Variants in IQGAP2 observed in about 807,000 individuals in gnomAD.
IQGAP2 encodes the protein ras GTPase-activating-like protein IQGAP2.
Under a neutral mutation model 201.3 loss-of-function variants are expected in IQGAP2, and 173 were observed. That is an observed-to-expected ratio of 0.86 (90% CI 0.76 to 0.98). The LOEUF is 0.98. Among genes scored for constraint, IQGAP2 ranks in the 50% least tolerant of loss-of-function variants. The probability of loss-of-function intolerance (pLI) is 0.00; values close to 1 mark genes in which losing one functional copy is unlikely to be tolerated. For missense variants in IQGAP2, 1,687 were observed against 1,864.8 expected (o/e 0.90, Z 1.76); for synonymous variants, 675 against 673.9 (o/e 1.00, Z -0.03).
intron 2 of IQGAP2, among the ~76,000 whole-genome samples, chr5:76,544,731 G>A (rs949824879): frequency 2.6e-5 from 4 of 152,146 alleles, no homozygotes; most frequent in African/African-American, 9.7e-5. Context: ...AAATGTAAAA[G>A]GCCCAAAGGA....
chr5:76,683,973 A>T, intron 30 of IQGAP2, 56 bp downstream of exon 30: 1 of 1,475,166 alleles, frequency 6.8e-7, no homozygotes, highest in Non-Finnish European at 9.2e-7. Context: ...AAATGATGCA[A>T]ATTCAAATGA....
intron 1 of IQGAP2, among the ~76,000 whole-genome samples, chr5:76,457,847 A>C (rs1051697130): frequency 3.3e-5 from 5 of 152,220 alleles, no homozygotes; most frequent in Non-Finnish European, 7.3e-5. Flanking sequence ...CATAGAATGC[A>C]ATTGCTTTGA....
At chr5:76,435,017 C>T (rs1752575665) in intron 1 of IQGAP2, among the ~76,000 whole-genome samples, 1 of 150,830 alleles carries the variant, frequency 6.6e-6, no homozygotes, top group South Asian at 2.1e-4. Context: ...GAAATGTCTA[C>T]GCATGTCATT....
intron 28 of IQGAP2, among the ~76,000 whole-genome samples, chr5:76,680,492 T>C (rs74823257): frequency 6.6e-6 from 1 of 152,150 alleles, no homozygotes; most frequent in African/African-American, 2.4e-5. Context: ...CTAGACTTCA[T>C]CAAAATTGAA....
At chr5:76,537,248 T>C (rs539044451) in intron 2 of IQGAP2, among the ~76,000 whole-genome samples, 1 of 152,362 alleles carries the variant, frequency 6.6e-6, no homozygotes, top group South Asian at 2.1e-4. Context: ...TCCTGGTTTA[T>C]GCTTTTAAAA....
intron 1 of IQGAP2, among the ~76,000 whole-genome samples, chr5:76,426,123 A>G (rs1751981831): frequency 6.6e-6 from 1 of 152,212 alleles, no homozygotes; most frequent in Non-Finnish European, 1.5e-5. Flanking sequence ...CATCACCAGC[A>G]AGGGCCAAAT....
chr5:76,628,362 A>G (rs1209251691), intron 14 of IQGAP2, among the ~76,000 whole-genome samples: 1 of 152,200 alleles, frequency 6.6e-6, no homozygotes, highest in African/African-American at 2.4e-5. Flanking sequence ...TCCATCTCAC[A>G]GTGGGTCCCT....
At chr5:76,650,003 GC>G (rs1277872774) in intron 17 of IQGAP2, among the ~76,000 whole-genome samples, 4 of 152,214 alleles carry the variant, frequency 2.6e-5, no homozygotes, top group African/African-American at 2.4e-5. Context: ...GCCCCTTTTA[GC>G]CATGGTTAGA....
chr5:76,705,494 C>T (rs1747796840), intron 35 of IQGAP2, among the ~76,000 whole-genome samples: 1 of 152,204 alleles, frequency 6.6e-6, no homozygotes, highest in Non-Finnish European at 1.5e-5. Flanking sequence ...GACCCAGCTA[C>T]TTCCCCTACA....
rs142671711 is a variant in IQGAP2, at chr5:76,677,206, C to T, written c.3528-12C>T. Reference sequence around the variant, plus strand: ...TTTGAGTCTGTCTTAAGACTTTTCCCCCCTTTATTAGGAAATATTTCAAAG... The same window carrying T: ...TTTGAGTCTGTCTTAAGACTTTTCCTCCCTTTATTAGGAAATATTTCAAAG... On this transcript the variant is annotated splice_polypyrimidine_tract_variant and intron_variant, in intron 27 of 35. Coordinates refer to ENST00000274364, the MANE Select transcript of IQGAP2 (RefSeq NM_006633.5). The T allele has an allele frequency of 7.8e-3, 12,598 of 1,610,538 alleles. 70 individuals are homozygous for T. The highest frequency in any genetic ancestry group is 9.5e-3 in the Non-Finnish European group (11,152 of 1,178,340).
intron 11 of IQGAP2, among the ~76,000 whole-genome samples, chr5:76,604,688 A>G (rs1163763971): frequency 1.3e-5 from 2 of 152,192 alleles, no homozygotes; most frequent in South Asian, 4.1e-4. Flanking sequence ...AATGGTCTCC[A>G]TCTGTGAGGG....
chr5:76,678,177 A>G (rs1744991964), intron 28 of IQGAP2, among the ~76,000 whole-genome samples: 7 of 152,208 alleles, frequency 4.6e-5, no homozygotes, highest in Admixed American at 4.6e-4. Flanking sequence ...AACGAAAACA[A>G]GAAACTACCA....
chr5:76,495,424 G>C (rs553423153), intron 2 of IQGAP2, among the ~76,000 whole-genome samples: 3 of 152,222 alleles, frequency 2.0e-5, no homozygotes, highest in African/African-American at 7.2e-5. Context: ...AGGTGACTCA[G>C]TTCCTGGAGG....
At chr5:76,611,752 C>G (rs1748430957) in intron 13 of IQGAP2, among the ~76,000 whole-genome samples, 1 of 152,180 alleles carries the variant, frequency 6.6e-6, no homozygotes, top group South Asian at 2.1e-4. Flanking sequence ...CTCTCGAAGA[C>G]TAGTGGCTTT....
intron 13 of IQGAP2, among the ~76,000 whole-genome samples, chr5:76,623,796 T>C (rs1183431616): frequency 6.6e-6 from 1 of 152,226 alleles, no homozygotes; most frequent in Non-Finnish European, 1.5e-5. Context: ...TTTTAAGAAA[T>C]TCAAATTGAG....
chr5:76,700,410 G>A (rs1159122315), intron 33 of IQGAP2, among the ~76,000 whole-genome samples: 5 of 152,170 alleles, frequency 3.3e-5, no homozygotes, highest in Non-Finnish European at 4.4e-5. Flanking sequence ...GTTGAGGCAG[G>A]AGAATCACTT....
intron 15 of IQGAP2, among the ~76,000 whole-genome samples, chr5:76,633,606 C>T (rs1247892500): frequency 6.6e-6 from 1 of 151,940 alleles, no homozygotes; most frequent in Non-Finnish European, 1.5e-5. Flanking sequence ...TTAGTATATT[C>T]ACAAGGTTGT....
intron 1 of IQGAP2, among the ~76,000 whole-genome samples, chr5:76,429,404 C>G (rs537530977): frequency 2.6e-5 from 4 of 151,336 alleles, no homozygotes; most frequent in South Asian, 2.1e-4. Context: ...AACCCCATCT[C>G]TACTAAAAAT....
intron 13 of IQGAP2, among the ~76,000 whole-genome samples, chr5:76,625,346 A>G (rs1407725466): frequency 2.6e-5 from 4 of 152,232 alleles, no homozygotes; most frequent in African/African-American, 9.6e-5. Context: ...ACTGAGACAC[A>G]TAAATGAACT....
Sources: gnomAD v4.1 joint callset for allele counts (sites outside exome capture counted in the v4.1 genomes callset) on GRCh38, gnomAD v4.1.1 for gene constraint, MANE v1.5 for transcripts, NCBI Gene and HGNC (gene_info 2026-07-23, HGNC 2026-07-21) for gene names.